DAPK1: variants seen among roughly 807,000 people sequenced by gnomAD.
DAPK1 encodes the protein death-associated protein kinase 1.
In DAPK1, 56 loss-of-function variants were observed where a neutral mutation model predicts 144.9. The observed-to-expected ratio is 0.39, with a 90% confidence interval of 0.31 to 0.48. The LOEUF is 0.48. Ranked by LOEUF, DAPK1 falls within the 20% of genes least tolerant of loss-of-function variation. The pLI, the probability that DAPK1 is intolerant of heterozygous loss-of-function variation, is 0.95. For synonymous variants in DAPK1, 690 were observed against 749.0 expected, an observed-to-expected ratio of 0.92 and a Z score of 1.29; for missense variants, 1,454 against 1,875.4, an observed-to-expected ratio of 0.78 and a Z score of 4.15.
At chr9:87,547,625 A>G (rs187096265) in intron 2 of DAPK1, among the ~76,000 whole-genome samples, 4 of 148,146 alleles carry the variant, frequency 2.7e-5, no homozygotes, top group African/African-American at 9.9e-5. Flanking sequence ...AGAGGAGGGG[A>G]TTGATTTTAA....
chr9:87,685,094 A>G (rs967808931), intron 20 of DAPK1, among the ~76,000 whole-genome samples: 1 of 152,326 alleles, frequency 6.6e-6, no homozygotes, highest in Non-Finnish European at 1.5e-5. Context: ...ATGCAGAGAA[A>G]TACACTAAAA....
chr9:87,606,971 C>G (rs1476808618), intron 3 of DAPK1, among the ~76,000 whole-genome samples: 3 of 151,722 alleles, frequency 2.0e-5, no homozygotes, highest in Non-Finnish European at 4.4e-5. Context: ...CAGTAGCACT[C>G]TTCCCCCATG....
At chr9:87,539,716 C>T (rs1825976911) in intron 2 of DAPK1, among the ~76,000 whole-genome samples, 1 of 152,082 alleles carries the variant, frequency 6.6e-6, no homozygotes, top group South Asian at 2.1e-4. Context: ...CTGGGCCCAG[C>T]CAAATTTCAC....
intron 2 of DAPK1, among the ~76,000 whole-genome samples, chr9:87,577,356 T>A (rs1827600346): frequency 6.6e-6 from 1 of 152,210 alleles, no homozygotes; most frequent in Non-Finnish European, 1.5e-5. Flanking sequence ...ATCTGAGAGC[T>A]ACTAGTCTCT....
At chr9:87,607,862 A>C (rs1056405921) in intron 3 of DAPK1, among the ~76,000 whole-genome samples, 3 of 152,190 alleles carry the variant, frequency 2.0e-5, no homozygotes, top group African/African-American at 7.2e-5. Flanking sequence ...CTATAAAGGC[A>C]GACCTGAGAC....
chr9:87,701,783 T>C, intron 24 of DAPK1: 1 of 436,484 alleles, frequency 2.3e-6, no homozygotes, highest in Non-Finnish European at 4.8e-6. Flanking sequence ...CGCACCAGAT[T>C]CTGGTTCTAG....
At chr9:87,701,398 G>T (rs1225345989) in intron 24 of DAPK1, among the ~76,000 whole-genome samples, 2 of 152,082 alleles carry the variant, frequency 1.3e-5, no homozygotes, top group Non-Finnish European at 2.9e-5. Context: ...GTTAAACCAA[G>T]ATCTAAAACC....
chr9:87,701,992 T>C (rs2118077377), intron 24 of DAPK1: 2 of 399,096 alleles, frequency 5.0e-6, no homozygotes, highest in South Asian at 3.8e-5. Context: ...CCCCTGTGCT[T>C]CCCCACCAGG....
chr9:87,555,403 G>C (rs1445468066), intron 2 of DAPK1, among the ~76,000 whole-genome samples: 2 of 151,980 alleles, frequency 1.3e-5, no homozygotes, highest in African/African-American at 4.8e-5. Flanking sequence ...TGACACCCTG[G>C]GGCTATCTGA....
intron 19 of DAPK1, among the ~76,000 whole-genome samples, chr9:87,675,921 G>A (rs972933029): frequency 7.0e-6 from 1 of 142,628 alleles, no homozygotes; most frequent in African/African-American, 2.8e-5. Flanking sequence ...GGAAGGTTCT[G>A]AGTCAGAATT....
intron 19 of DAPK1, among the ~76,000 whole-genome samples, chr9:87,681,098 G>A (rs1824599495): frequency 6.6e-6 from 1 of 152,144 alleles, no homozygotes; most frequent in African/African-American, 2.4e-5. Context: ...AACCAACATG[G>A]AAAAACCCTG....
intron 2 of DAPK1, among the ~76,000 whole-genome samples, chr9:87,520,283 G>A (rs930466983): frequency 6.6e-6 from 1 of 152,168 alleles, no homozygotes; most frequent in Non-Finnish European, 1.5e-5. Context: ...GAGGGTTCAG[G>A]AGCCTTGCCA....
At position 87,707,222 on chromosome 9, in the gene DAPK1, G is replaced by A; in HGVS notation, c.4151G>A (p.Gly1384Asp). The A allele has an allele frequency of 1.2e-6, 2 of 1,614,204 alleles. No homozygotes were observed. Among genetic ancestry groups the A allele is most frequent in the Non-Finnish European group, 1.7e-6 (2 of 1,180,042 alleles). The change falls in exon 26 of 26, where the codon GGT becomes GAT. Residue 1384 changes from glycine to aspartate, a missense_variant. Gly to Asp is a moderately conservative substitution (Grantham distance 94, BLOSUM62 -1). Transcript: ENST00000408954. The surrounding 1 kb of genome is among the most constrained non-coding windows in gnomAD (Gnocchi z 4.0). ...GTLMSKLREL[G>D]RRDAADFLLK... ...CTCATGTCCAAACTGAGGGAGCTGGGTCGCCGGGATGCCGCAGACTTTTTG... is the reference window on the plus strand; with the variant it reads ...CTCATGTCCAAACTGAGGGAGCTGGATCGCCGGGATGCCGCAGACTTTTTG...
chr9:87,681,321 T>C, intron 19 of DAPK1, 83 bp from the exon 20 acceptor site: 2 of 778,084 alleles, frequency 2.6e-6, no homozygotes, highest in African/African-American at 1.7e-5. Flanking sequence ...GGGTAAAAAC[T>C]GCACACCGGG....
intron 21 of DAPK1, among the ~76,000 whole-genome samples, chr9:87,696,163 A>AT (rs1413512479): frequency 6.2e-4 from 3 of 4,846 alleles, no homozygotes; most frequent in Non-Finnish European, 1.0e-3. Flanking sequence ...ATATATATGT[A>AT]TACAGACACA....
rs918872537 is a variant in DAPK1 at position 87,553,250 on chromosome 9, G to C, written c.63-51704G>C. 3.3e-5 allele frequency among the ~76,000 whole-genome samples: 5 copies of C among 150,652 alleles called. No individual in the cohort carries two copies. In the South Asian group the frequency reaches 6.3e-4, roughly 19 times the overall value. On this transcript the variant is annotated intron_variant, in intron 2 of 25. Transcript: ENST00000408954. ...TGACTTGTGTCTGTCATGTGGGGGG[G>C]GTTGGGTGATTGGAAATATTTGGTA...
At chr9:87,627,958 C>A (rs1325700177) in intron 3 of DAPK1, among the ~76,000 whole-genome samples, 1 of 152,220 alleles carries the variant, frequency 6.6e-6, no homozygotes, top group African/African-American at 2.4e-5. Flanking sequence ...ATCCCATTTT[C>A]TGGACATGGA....
At chr9:87,652,864 C>T (rs369531334) in intron 17 of DAPK1, among the ~76,000 whole-genome samples, 4 of 119,462 alleles carry the variant, frequency 3.3e-5, no homozygotes, top group Admixed American at 8.9e-5. Context: ...TCCATCCCCC[C>T]GATCCCGGGT....
At chr9:87,581,028 A>AC (rs2118827850) in intron 2 of DAPK1, among the ~76,000 whole-genome samples, 1 of 152,330 alleles carries the variant, frequency 6.6e-6, no homozygotes, top group African/African-American at 2.4e-5. Context: ...AGCAGAATGA[A>AC]CGCGTGACCC....
Sources: allele counts gnomAD v4.1 joint callset (sites outside exome capture counted in the v4.1 genomes callset), GRCh38; gene constraint gnomAD v4.1.1; non-coding constraint Gnocchi (gnomAD v3.1); transcripts MANE v1.5; gene names NCBI Gene and HGNC (gene_info 2026-07-23, HGNC 2026-07-21).